ZFHX3: variants seen among roughly 807,000 people sequenced by gnomAD.
The protein encoded by ZFHX3 is zinc finger homeobox protein 3.
In ZFHX3, 42 loss-of-function variants were observed where a neutral mutation model predicts 279.1. That is an observed-to-expected ratio of 0.15 (90% CI 0.12 to 0.19). The LOEUF (loss-of-function observed/expected upper bound fraction) is 0.19. Among genes scored for constraint, ZFHX3 ranks in the 10% least tolerant of loss-of-function variants. ZFHX3 has a pLI of 1.00. For synonymous variants in ZFHX3, 2,293 were observed against 1,957.8 expected (o/e 1.17, Z -4.52); for missense variants, 4,981 against 4,754.0 (o/e 1.05, Z -1.40).
intron 1 of ZFHX3, among the ~76,000 whole-genome samples, chr16:73,837,730 G>A (rs148262012): frequency 1.6e-4 from 24 of 152,186 alleles, no homozygotes; most frequent in African/African-American, 4.3e-4. Flanking sequence ...CATCCTTTCC[G>A]CGTTCAAGCG....
intron 2 of ZFHX3, among the ~76,000 whole-genome samples, chr16:73,563,170 T>TGTGTGTGTG (rs1491136680): frequency 2.2e-5 from 3 of 134,958 alleles, no homozygotes; most frequent in South Asian, 5.2e-4. Flanking sequence ...TTTTGTTTTG[T>TGTGTGTGTG]TGTGTGTGTG....
At chr16:73,429,906 G>A (rs1306577356) in intron 3 of ZFHX3, among the ~76,000 whole-genome samples, 5 of 152,038 alleles carry the variant, frequency 3.3e-5, no homozygotes, top group South Asian at 2.1e-4. Flanking sequence ...CTGTTGGTTC[G>A]AGACAGGGCC....
intron 3 of ZFHX3, among the ~76,000 whole-genome samples, chr16:73,389,682 A>C (rs2016972398): frequency 6.6e-6 from 1 of 152,220 alleles, no homozygotes; most frequent in Non-Finnish European, 1.5e-5. Context: ...TTTTATCCGC[A>C]GTGAAAATCT....
At chr16:73,192,660 G>A (rs751372631) in intron 5 of ZFHX3, among the ~76,000 whole-genome samples, 33 of 152,180 alleles carry the variant, frequency 2.2e-4, no homozygotes, top group Non-Finnish European at 4.7e-4. Flanking sequence ...GGCTGATCCT[G>A]TTTTTGAAGA....
Position 72,811,597 on chromosome 16 carries a change from C to T in ZFHX3, c.3844G>A (p.Val1282Met), listed in dbSNP as rs1042149925. 28 of 1,600,730 alleles carry T rather than the reference C, an allele frequency of 1.7e-5. No individual in the cohort carries two copies. Among genetic ancestry groups the T allele is most frequent in the Middle Eastern group, 3.4e-4 (2 of 5,808 alleles). ...CTTACCGTCATAATGAGCTTCTCCACGCAGTCAGGTGCCACGCTGTGGAGG... is the reference window on the plus strand; with the variant it reads ...CTTACCGTCATAATGAGCTTCTCCATGCAGTCAGGTGCCACGCTGTGGAGG... ...THLHSVAPDC[V>M]EKLIMTVTTP... The change falls in exon 7 of 10, where the codon GTG becomes ATG. Residue 1282 changes from valine (V) to methionine (M), a missense_variant. Val to Met is a conservative substitution (Grantham distance 21). Coordinates refer to ENST00000268489, the MANE Select transcript of ZFHX3 (RefSeq NM_006885.4).
chr16:73,522,242 A>G (rs923927447), intron 2 of ZFHX3, among the ~76,000 whole-genome samples: 3 of 152,254 alleles, frequency 2.0e-5, no homozygotes, highest in Admixed American at 1.3e-4. Flanking sequence ...TCTTTAAAGT[A>G]TTACAACCAT....
upstream of ZFHX3, among the ~76,000 whole-genome samples, chr16:73,062,985 C>T (rs1303869491): frequency 6.6e-6 from 1 of 152,246 alleles, no homozygotes; most frequent in Non-Finnish European, 1.5e-5. Flanking sequence ...CTAAACATCC[C>T]TCTTCGTTCC....
chr16:73,382,516 T>C (rs1212466856), intron 3 of ZFHX3, among the ~76,000 whole-genome samples: 1 of 152,112 alleles, frequency 6.6e-6, no homozygotes, highest in Non-Finnish European at 1.5e-5. Flanking sequence ...ATATGATTTA[T>C]GTTTTAAAAA....
chr16:73,149,564 A>C (rs1966891092), intron 5 of ZFHX3, among the ~76,000 whole-genome samples: 1 of 152,046 alleles, frequency 6.6e-6, no homozygotes. Flanking sequence ...TTGCTCAGTC[A>C]TTTTCGGCAC....
intron 3 of ZFHX3, among the ~76,000 whole-genome samples, chr16:73,455,007 T>C (rs1201887159): frequency 2.6e-5 from 4 of 152,144 alleles, no homozygotes; most frequent in African/African-American, 9.7e-5. Context: ...AAGAACATGC[T>C]ACTTATTTTT....
chr16:73,465,916 G>T (rs1040518434), intron 2 of ZFHX3, among the ~76,000 whole-genome samples: 9 of 152,090 alleles, frequency 5.9e-5, no homozygotes, highest in African/African-American at 1.9e-4. Flanking sequence ...GACAGGCTGC[G>T]AGGGACAACC....
chr16:73,837,927 C>T (rs902913872), intron 1 of ZFHX3, among the ~76,000 whole-genome samples: 1 of 152,216 alleles, frequency 6.6e-6, no homozygotes, highest in African/African-American at 2.4e-5. Context: ...TGAGCCACCG[C>T]ACCCAGCCTC....
intron 4 of ZFHX3, among the ~76,000 whole-genome samples, chr16:73,274,879 C>A (rs993931414): frequency 5.3e-5 from 8 of 152,338 alleles, no homozygotes; most frequent in Admixed American, 5.2e-4. Context: ...TTCTATATGA[C>A]ATCTGGTGTA....
chr16:73,507,129 C>T (rs2019340891), intron 2 of ZFHX3, among the ~76,000 whole-genome samples: 1 of 152,284 alleles, frequency 6.6e-6, no homozygotes, highest in African/African-American at 2.4e-5. Flanking sequence ...GTCCTAATGG[C>T]TGCCTATATA....
intron 3 of ZFHX3, among the ~76,000 whole-genome samples, chr16:73,432,035 G>A (rs987890841): frequency 6.6e-6 from 1 of 152,126 alleles, no homozygotes; most frequent in Admixed American, 6.5e-5. Context: ...TCTGAGTTCC[G>A]AGGTCACCCT....
intron 3 of ZFHX3, among the ~76,000 whole-genome samples, chr16:72,936,228 A>T (rs769949382): frequency 5.9e-5 from 9 of 152,180 alleles, no homozygotes; most frequent in Non-Finnish European, 1.0e-4. Flanking sequence ...TGAAATGCCA[A>T]GTGTGCGCAT....
intron 2 of ZFHX3, among the ~76,000 whole-genome samples, chr16:73,630,839 G>A (rs766477629): frequency 6.6e-6 from 1 of 152,174 alleles, no homozygotes; most frequent in Non-Finnish European, 1.5e-5. Context: ...ATATGTTTTT[G>A]ACAATGCCAT....
intron 2 of ZFHX3, among the ~76,000 whole-genome samples, chr16:73,490,138 CTT>C (rs536628173): frequency 3.6e-4 from 55 of 152,306 alleles, no homozygotes; most frequent in Non-Finnish European, 6.3e-4. Context: ...TTAAAGTTAA[CTT>C]AATGGAAATA....
chr16:72,978,274 G>A (rs1395719992), intron 1 of ZFHX3, among the ~76,000 whole-genome samples: 2 of 152,162 alleles, frequency 1.3e-5, no homozygotes, highest in South Asian at 2.1e-4. Context: ...GTTAATTGTG[G>A]GTTTTTATTT....
Sources: allele counts gnomAD v4.1 joint callset (sites outside exome capture counted in the v4.1 genomes callset), GRCh38; gene constraint gnomAD v4.1.1; transcripts MANE v1.5; gene names NCBI Gene and HGNC (gene_info 2026-07-23, HGNC 2026-07-21).